Variants in COL10A1 observed in about 807,000 individuals in gnomAD.
COL10A1 encodes the protein collagen type X alpha 1 chain.
A neutral mutation model predicts 18.2 loss-of-function variants in COL10A1; 10 were observed. That is an observed-to-expected ratio of 0.55 (90% CI 0.34 to 0.93). COL10A1 has a LOEUF of 0.93. Ranked by LOEUF, COL10A1 falls within the 40% of genes least tolerant of loss-of-function variation. The pLI is 0.02. For synonymous variants in COL10A1, 330 were observed against 316.6 expected (o/e 1.04, Z -0.45); for missense variants, 897 against 853.5 (o/e 1.05, Z -0.64).
upstream of COL10A1, among the ~76,000 whole-genome samples, chr6:116,159,653 G>A (rs1460784337): frequency 6.6e-6 from 1 of 152,138 alleles, no homozygotes; most frequent in East Asian, 1.9e-4. Context: ...AAATTCAAGG[G>A]ATATATGTGC....
At chr6:116,144,069 A>G (rs1562136778) in intron 1 of COL10A1, among the ~76,000 whole-genome samples, 1 of 152,174 alleles carries the variant, frequency 6.6e-6, no homozygotes, top group Non-Finnish European at 1.5e-5. Context: ...ATATTTTTAT[A>G]ATGAGGATAT....
At chr6:116,209,568 G>T in the COL10A1 span, among the ~76,000 whole-genome samples, 1 of 151,970 alleles carries the variant, frequency 6.6e-6, no homozygotes, top group South Asian at 2.1e-4. Context: ...TGGGTATTGG[G>T]GAGGGCTCCT....
At chr6:116,144,511 A>G (rs1365484133) in intron 1 of COL10A1, among the ~76,000 whole-genome samples, 1 of 152,050 alleles carries the variant, frequency 6.6e-6, no homozygotes, top group Non-Finnish European at 1.5e-5. Flanking sequence ...AAAAAAAAAA[A>G]AAGTGTAAAA....
the COL10A1 span, among the ~76,000 whole-genome samples, chr6:116,171,677 T>A: frequency 6.6e-6 from 1 of 152,236 alleles, no homozygotes; most frequent in Non-Finnish European, 1.5e-5. Flanking sequence ...TTTTCTCTGC[T>A]GTTTCTATTC....
At chr6:116,150,832 A>C (rs1463265407) in intron 1 of COL10A1, among the ~76,000 whole-genome samples, 1 of 152,210 alleles carries the variant, frequency 6.6e-6, no homozygotes, top group African/African-American at 2.4e-5. Context: ...GTGAATATCA[A>C]ATGTGAATTT....
the COL10A1 span, among the ~76,000 whole-genome samples, chr6:116,195,621 G>A: frequency 6.6e-6 from 1 of 151,838 alleles, no homozygotes. Context: ...ACATAATCAG[G>A]GGTTAGAAAG....
At chr6:116,177,061 A>G in the COL10A1 span, among the ~76,000 whole-genome samples, 209 of 152,334 alleles carry the variant, frequency 1.4e-3, no homozygotes, top group African/African-American at 5.0e-3. Context: ...TGAAGTTTTG[A>G]TTTATAGTAT....
chr6:116,173,367 A>G, the COL10A1 span, among the ~76,000 whole-genome samples: 1 of 152,200 alleles, frequency 6.6e-6, no homozygotes, highest in Non-Finnish European at 1.5e-5. Context: ...AAGTTGAAAT[A>G]CCTTCTCCCA....
upstream of COL10A1, among the ~76,000 whole-genome samples, chr6:116,126,957 G>A (rs74631272): frequency 5.1e-3 from 775 of 152,236 alleles, 8 homozygotes; most frequent in African/African-American, 0.018. Context: ...TTGGTAGTTA[G>A]ACTCTGTTTA....
intron 2 of COL10A1, among the ~76,000 whole-genome samples, chr6:116,123,424 A>G (rs1227486712): frequency 1.3e-5 from 2 of 152,246 alleles, no homozygotes; most frequent in Non-Finnish European, 2.9e-5. Flanking sequence ...ACAATCCTCA[A>G]GGTAAAACGA....
At chr6:116,148,888 T>TA (rs1199654214) in intron 1 of COL10A1, among the ~76,000 whole-genome samples, 1 of 152,130 alleles carries the variant, frequency 6.6e-6, no homozygotes, top group Non-Finnish European at 1.5e-5. Flanking sequence ...GTTTTTAAAA[T>TA]ACATGTATTA....
chr6:116,190,315 G>T, the COL10A1 span, among the ~76,000 whole-genome samples: 1 of 151,794 alleles, frequency 6.6e-6, no homozygotes, highest in African/African-American at 2.4e-5. Context: ...CTTAAAAAAT[G>T]AGATTATTAC....
chr6:116,148,782 T>C (rs1779960848), intron 1 of COL10A1, among the ~76,000 whole-genome samples: 1 of 152,158 alleles, frequency 6.6e-6, no homozygotes, highest in African/African-American at 2.4e-5. Context: ...GTGTACTGAC[T>C]TTTTAAACCC....
chr6:116,196,289 C>T, the COL10A1 span, among the ~76,000 whole-genome samples: 1 of 152,000 alleles, frequency 6.6e-6, no homozygotes, highest in African/African-American at 2.4e-5. Context: ...TTTGTTATTT[C>T]CTAAAAGTAC....
chr6:116,172,684 A>G, the COL10A1 span, among the ~76,000 whole-genome samples: 3 of 152,182 alleles, frequency 2.0e-5, no homozygotes, highest in Non-Finnish European at 2.9e-5. Context: ...AGCAGATAAC[A>G]TATATTATTT....
the COL10A1 span, among the ~76,000 whole-genome samples, chr6:116,169,192 C>T: frequency 6.6e-6 from 1 of 152,222 alleles, no homozygotes; most frequent in Non-Finnish European, 1.5e-5. Context: ...AGCTTCTCAA[C>T]TTGACCTCTT....
the COL10A1 span, among the ~76,000 whole-genome samples, chr6:116,172,263 G>C: frequency 2.0e-5 from 3 of 148,726 alleles, no homozygotes; most frequent in South Asian, 4.3e-4. Context: ...TATTAGATAA[G>C]TATATTATTA....
intron 1 of COL10A1, among the ~76,000 whole-genome samples, chr6:116,145,247 T>G (rs1437470860): frequency 1.3e-5 from 2 of 152,062 alleles, no homozygotes; most frequent in East Asian, 1.9e-4. Flanking sequence ...CAAAAGAATT[T>G]GTTTAGAAAG....
upstream of COL10A1, among the ~76,000 whole-genome samples, chr6:116,127,422 G>A (rs1361089960): frequency 2.0e-5 from 3 of 152,056 alleles, no homozygotes; most frequent in East Asian, 5.8e-4. Flanking sequence ...ATATATCTCT[G>A]TATAATACTC....
Sources: gnomAD v4.1 joint callset for allele counts (sites outside exome capture counted in the v4.1 genomes callset) on GRCh38, gnomAD v4.1.1 for gene constraint, MANE v1.5 for transcripts, NCBI Gene and HGNC (gene_info 2026-07-23, HGNC 2026-07-21) for gene names.